DCUN1D4: variants seen among roughly 807,000 people sequenced by gnomAD.
The protein encoded by DCUN1D4 is defective in cullin neddylation 1 domain containing 4, also known as DCN1-like protein 4.
A neutral mutation model predicts 47.9 loss-of-function variants in DCUN1D4; 22 were observed. That is an observed-to-expected ratio of 0.46 (90% CI 0.33 to 0.66). The LOEUF is 0.66. DCUN1D4 is among the 30% of genes least tolerant of loss of function. The pLI is 0.02. For synonymous variants in DCUN1D4, 121 were observed against 112.2 expected (o/e 1.08, Z -0.50); for missense variants, 301 against 340.8 (o/e 0.88, Z 0.92).
chr4:51,880,323 G>A (rs544323309), intron 5 of DCUN1D4, among the ~76,000 whole-genome samples: 4 of 152,316 alleles, frequency 2.6e-5, no homozygotes, highest in African/African-American at 9.6e-5. Context: ...AAATGAAATT[G>A]AGCCATGTTC....
At chr4:51,836,856 C>A in the DCUN1D4 span, among the ~76,000 whole-genome samples, 2 of 152,200 alleles carry the variant, frequency 1.3e-5, no homozygotes, top group Non-Finnish European at 2.9e-5. Flanking sequence ...CAGCCACCAA[C>A]AACCGGAGAT....
At chr4:51,863,932 G>A (rs931661315) in intron 3 of DCUN1D4, among the ~76,000 whole-genome samples, 1 of 152,110 alleles carries the variant, frequency 6.6e-6, no homozygotes, top group Non-Finnish European at 1.5e-5. Context: ...AAAGAGGCTC[G>A]GGATTCTCAT....
At chr4:51,843,457 CGT>C (rs2109769235) in intron 1 of DCUN1D4, 190 bp downstream of exon 1, 13 of 960,794 alleles carry the variant, frequency 1.4e-5, no homozygotes, top group Non-Finnish European at 1.7e-5. Flanking sequence ...CGGGGGCGGG[CGT>C]GGGGGGAAGG....
At chr4:51,849,173 ATCT>A (rs1302937710) in intron 1 of DCUN1D4, among the ~76,000 whole-genome samples, 10 of 152,276 alleles carry the variant, frequency 6.6e-5, no homozygotes, top group Admixed American at 5.2e-4. Flanking sequence ...TGGCAGGCAG[ATCT>A]TCTCAGACAC....
intron 8 of DCUN1D4, among the ~76,000 whole-genome samples, chr4:51,901,357 GA>G (rs1329281664): frequency 6.6e-6 from 1 of 152,212 alleles, no homozygotes; most frequent in Non-Finnish European, 1.5e-5. Context: ...GTTCATAGTA[GA>G]TCCATGACTC....
chr4:51,834,274 G>T, the DCUN1D4 span, among the ~76,000 whole-genome samples: 4 of 151,228 alleles, frequency 2.6e-5, no homozygotes, highest in South Asian at 2.1e-4. Context: ...AATCAAAATA[G>T]GTCCTAAATA....
At chr4:51,838,337 G>T (rs1042835010), upstream of DCUN1D4, among the ~76,000 whole-genome samples, 1 of 152,102 alleles carries the variant, frequency 6.6e-6, no homozygotes, top group African/African-American at 2.4e-5. Context: ...AGGAGCCTGA[G>T]TGGCTAGATG....
At chr4:51,863,986 A>G (rs1330698419) in intron 3 of DCUN1D4, among the ~76,000 whole-genome samples, 1 of 152,196 alleles carries the variant, frequency 6.6e-6, no homozygotes, top group Non-Finnish European at 1.5e-5. Flanking sequence ...ATTTTCATTT[A>G]TATTAAAAAG....
chr4:51,862,811 C>G (rs1406621853), intron 1 of DCUN1D4, among the ~76,000 whole-genome samples: 2 of 151,632 alleles, frequency 1.3e-5, no homozygotes, highest in Non-Finnish European at 2.9e-5. Flanking sequence ...GAGTTCAAGA[C>G]CAGCCTGGGA....
Position 51,855,005 on chromosome 4 carries a change from A to T in DCUN1D4, c.26-8432A>T, listed in dbSNP as rs149091338. 3.3e-4 allele frequency among the ~76,000 whole-genome samples: 51 copies of T among 152,342 alleles called. No individual in the cohort carries two copies. The East Asian group carries it at 9.4e-3, about 28-fold the overall frequency. On this transcript the variant is annotated intron_variant, in intron 1 of 10. Coordinates refer to ENST00000334635, the MANE Select transcript of DCUN1D4 (RefSeq NM_001040402.3). ...AATCTGAAATGCTCTGGTCCCAAGC[A>T]TTTCTGATAAGGGATACTCCAAAAG...
chr4:51,854,003 C>T (rs1022965700), intron 1 of DCUN1D4, among the ~76,000 whole-genome samples: 1 of 152,194 alleles, frequency 6.6e-6, no homozygotes, highest in Admixed American at 6.5e-5. Context: ...TGTGATTATC[C>T]ATTTCGTAGA....
At chr4:51,862,137 T>A (rs1307642701) in intron 1 of DCUN1D4, among the ~76,000 whole-genome samples, 1 of 152,244 alleles carries the variant, frequency 6.6e-6, no homozygotes, top group East Asian at 1.9e-4. Flanking sequence ...TGGCTGTCTC[T>A]CAGCACAAAA....
chr4:51,882,118 T>TTATACCC (rs112574666), intron 5 of DCUN1D4, among the ~76,000 whole-genome samples: 1 of 152,178 alleles, frequency 6.6e-6, no homozygotes. Context: ...CCATTGCAAA[T>TTATACCC]TAAAATCTTG....
chr4:51,854,149 G>A (rs1276365920), intron 1 of DCUN1D4, among the ~76,000 whole-genome samples: 1 of 152,170 alleles, frequency 6.6e-6, no homozygotes, highest in Non-Finnish European at 1.5e-5. Context: ...AGCCTCAAAT[G>A]TGAATATATT....
intron 1 of DCUN1D4, among the ~76,000 whole-genome samples, chr4:51,854,841 A>T (rs979159291): frequency 6.6e-6 from 1 of 152,220 alleles, no homozygotes; most frequent in African/African-American, 2.4e-5. Flanking sequence ...TCTGAAACCC[A>T]AAATGCACCA....
intron 3 of DCUN1D4, among the ~76,000 whole-genome samples, chr4:51,871,627 T>C (rs1726914260): frequency 6.6e-6 from 1 of 152,228 alleles, no homozygotes; most frequent in Admixed American, 6.5e-5. Flanking sequence ...ATGTCTTTTC[T>C]TCCTGCATAT....
chr4:51,880,418 AG>A lies in DCUN1D4; in HGVS notation c.343+2568del, dbSNP rs1443598507. ...TTTAATCTGGAGTAGAGTGGAGTGGAGGGGCAGCGGGGGCCTGGTGTGTGAT... is the reference window on the plus strand; with the variant it reads ...TTTAATCTGGAGTAGAGTGGAGTGGAGGGCAGCGGGGGCCTGGTGTGTGAT... On this transcript the variant is annotated intron_variant, in intron 5 of 10. Transcript: ENST00000334635. Among the ~76,000 whole-genome samples, 6 of 152,184 alleles carry A rather than the reference AG, an allele frequency of 3.9e-5. No homozygotes were observed. The East Asian group carries it at 1.2e-3, about 29-fold the overall frequency.
At chr4:51,875,708 T>G (rs1727566521) in intron 4 of DCUN1D4, among the ~76,000 whole-genome samples, 1 of 152,228 alleles carries the variant, frequency 6.6e-6, no homozygotes, top group East Asian at 1.9e-4. Flanking sequence ...ATTTCCCTTT[T>G]ATGGATATGG....
chr4:51,883,210 A>C (rs1728954886), intron 5 of DCUN1D4, among the ~76,000 whole-genome samples: 1 of 152,234 alleles, frequency 6.6e-6, no homozygotes, highest in Admixed American at 6.5e-5. Context: ...AGTACCTCAC[A>C]AACCCATGTG....
Sources: allele counts gnomAD v4.1 joint callset (sites outside exome capture counted in the v4.1 genomes callset), GRCh38; gene constraint gnomAD v4.1.1; transcripts MANE v1.5; gene names NCBI Gene and HGNC (gene_info 2026-07-23, HGNC 2026-07-21).